Variants in TCTN2 observed in about 807,000 individuals in gnomAD.
The protein encoded by TCTN2 is tectonic-2.
Under a neutral mutation model 83.4 loss-of-function variants are expected in TCTN2, and 66 were observed. The ratio of observed to expected loss-of-function variants is 0.79; its 90% CI spans 0.65 to 0.97. The LOEUF is 0.97. Ranked by LOEUF, TCTN2 falls within the 50% of genes least tolerant of loss-of-function variation. TCTN2 has a pLI of 0.00. For missense variants in TCTN2, 794 were observed against 858.1 expected (o/e 0.93, Z 0.93); for synonymous variants, 301 against 326.7 (o/e 0.92, Z 0.85).
At chr12:123,695,452 T>G (rs1292169073) in intron 11 of TCTN2, 155 bp downstream of exon 11, 1 of 605,654 alleles carries the variant, frequency 1.7e-6, no homozygotes, top group Non-Finnish European at 3.0e-6. Flanking sequence ...GACGGAGTCT[T>G]GCTCTGTTGC....
chr12:123,672,169 A>T (rs1237859368), intron 3 of TCTN2, 37 bp downstream of exon 3: 2 of 1,566,848 alleles, frequency 1.3e-6, no homozygotes, highest in African/African-American at 2.7e-5. Flanking sequence ...TAGCCTGTGA[A>T]GAGGCCCCCA....
intron 4 of TCTN2, among the ~76,000 whole-genome samples, chr12:123,677,817 A>G (rs1242673660): frequency 6.6e-6 from 1 of 151,842 alleles, no homozygotes; most frequent in African/African-American, 2.4e-5. Flanking sequence ...TAAAGTATAG[A>G]TGGGGTTTCT....
At chr12:123,681,377 C>T (rs1208778107) in intron 5 of TCTN2, among the ~76,000 whole-genome samples, 1 of 152,154 alleles carries the variant, frequency 6.6e-6, no homozygotes, top group Non-Finnish European at 1.5e-5. Flanking sequence ...AGAAAGAAAT[C>T]GTGTGTCCCT....
At chr12:123,673,189 G>A (rs1392454805) in intron 3 of TCTN2, among the ~76,000 whole-genome samples, 2 of 152,230 alleles carry the variant, frequency 1.3e-5, no homozygotes, top group Non-Finnish European at 2.9e-5. Context: ...ATTCTGGAGA[G>A]AAAAGGACAG....
chr12:123,674,580 G>A (rs1955797921), intron 4 of TCTN2, among the ~76,000 whole-genome samples: 1 of 152,068 alleles, frequency 6.6e-6, no homozygotes, highest in African/African-American at 2.4e-5. Flanking sequence ...TGCATTGATT[G>A]TCATGACTGC....
chr12:123,706,346 C>T (rs184405272), intron 15 of TCTN2, among the ~76,000 whole-genome samples: 6 of 152,250 alleles, frequency 3.9e-5, no homozygotes, highest in South Asian at 2.1e-4. Context: ...GTGCCTCGAA[C>T]GTGGAAAGCC....
intron 5 of TCTN2, among the ~76,000 whole-genome samples, chr12:123,681,425 C>T (rs1427699163): frequency 6.6e-6 from 1 of 152,130 alleles, no homozygotes; most frequent in Non-Finnish European, 1.5e-5. Flanking sequence ...CCAAGGCCTC[C>T]GTGAATCTGC....
chr12:123,696,517 G>A (rs1175792748), intron 12 of TCTN2, 22 bp downstream of exon 12: 1 of 1,603,910 alleles, frequency 6.2e-7, no homozygotes, highest in East Asian at 2.2e-5. Flanking sequence ...TGGTCATTAT[G>A]ATTAGCCCTT....
chr12:123,707,111 G>A, intron 17 of TCTN2, 38 bp downstream of exon 17: 1 of 1,585,648 alleles, frequency 6.3e-7, no homozygotes. Flanking sequence ...ATTATGTTAT[G>A]TCAATTTAAA....
intron 6 of TCTN2, 122 bp from the exon 7 acceptor site, chr12:123,687,929 A>T (rs1001800372): frequency 1.2e-5 from 17 of 1,365,940 alleles, no homozygotes; most frequent in Admixed American, 1.7e-5. Flanking sequence ...ACGCCACTGC[A>T]CTCCAGCCTG....
intron 4 of TCTN2, among the ~76,000 whole-genome samples, chr12:123,675,574 T>C (rs1014312068): frequency 6.6e-6 from 1 of 152,240 alleles, no homozygotes; most frequent in Non-Finnish European, 1.5e-5. Flanking sequence ...AGCAGACTAC[T>C]GTGCCCTCAG....
intron 5 of TCTN2, among the ~76,000 whole-genome samples, chr12:123,683,010 G>T (rs1028606267): frequency 4.0e-5 from 6 of 151,584 alleles, no homozygotes; most frequent in African/African-American, 1.4e-4. Context: ...GATCACCTGA[G>T]GTCAGGAGTT....
At position 123,694,938 on chromosome 12, in the gene TCTN2, T is replaced by C. The variant is rs1276692473; in HGVS notation, c.1196T>C (p.Val399Ala). ...AATAATACCATCAGTGAAATAAATG[T>C]TAAAATTTTTAGGGCAGAGATTAAT... ...WNNNTISEIN[V>A]KIFRAEINAH... The change falls in exon 10 of 18, where the codon GTT (valine) becomes GCT (alanine). Residue 399 changes from valine (V) to alanine (A), a missense_variant. By Grantham distance (64) the Val-to-Ala change is moderately conservative. Coordinates refer to ENST00000303372, the MANE Select transcript of TCTN2 (RefSeq NM_024809.5). 1 of 1,613,740 alleles carries C rather than the reference T, an allele frequency of 6.2e-7. No homozygotes were observed. Among genetic ancestry groups the C allele is most frequent in the Admixed American group, 1.7e-5 (1 of 60,008 alleles).
At chr12:123,671,452 A>G (rs1593827462) in intron 1 of TCTN2, 55 bp from the exon 2 acceptor site, 1 of 1,590,854 alleles carries the variant, frequency 6.3e-7, no homozygotes. Flanking sequence ...CACACACCTT[A>G]GGCGGTGATT....
rs1956243055 is a variant in TCTN2, at chr12:123,707,360, C to T, written c.1985-244C>T. The T allele has an allele frequency of 4.7e-5, 29 of 622,076 alleles. No individual in the cohort carries two copies. In the South Asian group the frequency reaches 5.5e-4, roughly 12 times the overall value. The allele number at this position is 622,076 out of a possible 1,614,324, so 38.5% of individuals were successfully genotyped here. A position where few individuals can be genotyped will look rare whatever the true frequency, so the allele number is the denominator to read the frequency against. On this transcript the variant is annotated intron_variant, in intron 17 of 17. Transcript: ENST00000303372. ...CTCCTGGGTTCAGACAACTCTCGTG[C>T]CTCAGCCTTTGGAGTAGCTGGGATT... is the stretch of plus-strand genomic sequence containing the variant.
rs1956247588 is a variant in TCTN2 at position 123,707,702 on chromosome 12, G to A, written c.2083G>A (p.Ala695Thr). The A allele has an allele frequency of 6.2e-7, 1 of 1,613,830 alleles. No individual in the cohort carries two copies. The highest frequency in any genetic ancestry group is 1.7e-5 in the Admixed American group (1 of 59,986). The change falls in exon 18 of 18, where the codon GCC becomes ACC. Residue 695 changes from alanine to threonine, a missense_variant. By Grantham distance (58) the Ala-to-Thr change is moderately conservative. Transcript: ENST00000303372. Reference sequence around the variant, plus strand: ...CAACCCCTGGACCAGAATATGCAAAGCCTATAGTTAGACAACCACCTGGCT... The same window carrying A: ...CAACCCCTGGACCAGAATATGCAAAACCTATAGTTAGACAACCACCTGGCT... Reference protein sequence around the residue: ...LSNPWTRICKAYS With the variant: ...LSNPWTRICKTYS
At chr12:123,703,694 T>G (rs1419547958) in intron 14 of TCTN2, among the ~76,000 whole-genome samples, 2 of 152,164 alleles carry the variant, frequency 1.3e-5, no homozygotes, top group African/African-American at 2.4e-5. Context: ...TTTGCTATGT[T>G]GCCCAGGCTG....
At chr12:123,683,763 C>A (rs1276858544) in intron 5 of TCTN2, among the ~76,000 whole-genome samples, 1 of 152,100 alleles carries the variant, frequency 6.6e-6, no homozygotes, top group Non-Finnish European at 1.5e-5. Context: ...CTCAGCCTCC[C>A]AAGTAGTTGG....
intron 6 of TCTN2, among the ~76,000 whole-genome samples, chr12:123,687,454 G>A (rs1010498386): frequency 6.6e-6 from 1 of 151,688 alleles, no homozygotes; most frequent in Non-Finnish European, 1.5e-5. Context: ...TCAGGAGATC[G>A]AGACCATCCT....
Sources: gnomAD v4.1 joint callset for allele counts (sites outside exome capture counted in the v4.1 genomes callset) on GRCh38, gnomAD v4.1.1 for gene constraint, MANE v1.5 for transcripts, NCBI Gene and HGNC (gene_info 2026-07-23, HGNC 2026-07-21) for gene names.